Variants in FBXW8 observed in about 807,000 individuals in gnomAD.
FBXW8 encodes the protein F-box and WD repeat domain containing 8.
A neutral mutation model predicts 65.3 loss-of-function variants in FBXW8; 57 were observed. The ratio of observed to expected loss-of-function variants is 0.87; its 90% CI spans 0.71 to 1.09. The LOEUF is 1.09. Ranked by LOEUF, FBXW8 falls within the 50% of genes least tolerant of loss-of-function variation. The pLI is 0.00. For synonymous variants in FBXW8, 308 were observed against 330.2 expected, an observed-to-expected ratio of 0.93 and a Z score of 0.73; for missense variants, 777 against 814.8, an observed-to-expected ratio of 0.95 and a Z score of 0.57.
intron 5 of FBXW8, 112 bp from the exon 6 acceptor site, chr12:116,985,094 A>G (rs1254037714): frequency 1.9e-5 from 17 of 886,596 alleles, no homozygotes; most frequent in South Asian, 8.0e-5. Context: ...CTTGGGTCTC[A>G]TTTCCAAGGT....
chr12:117,007,751 TA>T (rs764667068), intron 7 of FBXW8, among the ~76,000 whole-genome samples: 13 of 152,182 alleles, frequency 8.5e-5, no homozygotes, highest in Non-Finnish European at 1.6e-4. Flanking sequence ...TGAGCATGAA[TA>T]ATTAATCTCA....
intron 8 of FBXW8, among the ~76,000 whole-genome samples, chr12:117,016,642 G>GT (rs59614258): frequency 0.013 from 1,823 of 138,268 alleles, 54 homozygotes; most frequent in South Asian, 0.11. Context: ...TATTTGTCTG[G>GT]TTTTTTTTTT....
At chr12:116,963,629 C>T (rs896704160) in intron 4 of FBXW8, among the ~76,000 whole-genome samples, 1 of 152,046 alleles carries the variant, frequency 6.6e-6, no homozygotes, top group African/African-American at 2.4e-5. Flanking sequence ...AAAACAAAAA[C>T]CAAGAAATTC....
chr12:116,981,223 T>C (rs760565809), intron 5 of FBXW8, among the ~76,000 whole-genome samples: 2 of 152,224 alleles, frequency 1.3e-5, no homozygotes, highest in Admixed American at 6.5e-5. Flanking sequence ...AAATTGACCA[T>C]TTATAAAATT....
At chr12:116,935,550 A>G (rs765312736) in intron 2 of FBXW8, among the ~76,000 whole-genome samples, 4 of 152,216 alleles carry the variant, frequency 2.6e-5, no homozygotes, top group Non-Finnish European at 5.9e-5. Context: ...TCAAGACCCA[A>G]GTGCCCTCAG....
intron 8 of FBXW8, among the ~76,000 whole-genome samples, chr12:117,017,339 G>A (rs1271029250): frequency 6.6e-6 from 1 of 152,172 alleles, no homozygotes. Context: ...TCAGTCCGAA[G>A]GGCTTGTTAA....
intron 2 of FBXW8, among the ~76,000 whole-genome samples, chr12:116,929,189 C>T (rs1468734087): frequency 6.6e-6 from 1 of 152,124 alleles, no homozygotes; most frequent in Non-Finnish European, 1.5e-5. Flanking sequence ...ATGCCATTAA[C>T]ATCGTTCTCT....
At chr12:116,911,774 C>T (rs1348516650) in intron 1 of FBXW8, among the ~76,000 whole-genome samples, 1 of 152,078 alleles carries the variant, frequency 6.6e-6, no homozygotes, top group Non-Finnish European at 1.5e-5. Context: ...CAAAGGTTGC[C>T]TTTGAAAAGG....
intron 1 of FBXW8, among the ~76,000 whole-genome samples, chr12:116,915,854 T>C (rs1174494778): frequency 6.6e-6 from 1 of 151,932 alleles, no homozygotes; most frequent in Non-Finnish European, 1.5e-5. Context: ...GGTTTCACTA[T>C]GTTGGCCAGG....
chr12:117,018,542 A>G (rs1489575253), intron 8 of FBXW8, among the ~76,000 whole-genome samples: 15 of 152,222 alleles, frequency 9.9e-5, no homozygotes, highest in African/African-American at 3.6e-4. Context: ...CTGTTTCTTC[A>G]TGTGAATCTG....
rs766793287 is a variant in FBXW8, at chr12:116,929,138, C to G, written c.423+1011C>G. ...TGGTCTGCTTTCTAAGCAGGGGATG[C>G]CAGTGTGGCTTTGGCCACACTTTGA... On this transcript the variant is annotated intron_variant, in intron 2 of 10. Transcript: ENST00000652555. Among the ~76,000 whole-genome samples, 58 of 151,736 alleles carry G rather than the reference C, an allele frequency of 3.8e-4. 1 individual carries two copies. Among genetic ancestry groups the G allele is most frequent in the Non-Finnish European group, 7.8e-4 (53 of 67,888 alleles).
intron 7 of FBXW8, among the ~76,000 whole-genome samples, chr12:117,003,371 T>C (rs1402243688): frequency 2.0e-5 from 3 of 152,242 alleles, no homozygotes; most frequent in Non-Finnish European, 4.4e-5. Context: ...GGGCGCACCC[T>C]GGGCATCTGG....
chr12:116,926,934 G>A (rs1376295462), intron 1 of FBXW8, among the ~76,000 whole-genome samples: 1 of 152,064 alleles, frequency 6.6e-6, no homozygotes, highest in Non-Finnish European at 1.5e-5. Flanking sequence ...TAAAAACATT[G>A]AGGTGATTTT....
At chr12:117,017,408 A>G (rs1953976877) in intron 8 of FBXW8, among the ~76,000 whole-genome samples, 1 of 152,226 alleles carries the variant, frequency 6.6e-6, no homozygotes, top group Non-Finnish European at 1.5e-5. Flanking sequence ...TCAGAGATAC[A>G]GCCTTAAAAT....
chr12:116,997,528 T>C (rs1953404363), intron 7 of FBXW8, among the ~76,000 whole-genome samples: 1 of 152,162 alleles, frequency 6.6e-6, no homozygotes, highest in African/African-American at 2.4e-5. Context: ...CCTTTGTATG[T>C]GGCTGGTGCT....
chr12:116,983,930 G>A (rs910309716), intron 5 of FBXW8, among the ~76,000 whole-genome samples: 36 of 152,216 alleles, frequency 2.4e-4, no homozygotes, highest in African/African-American at 8.0e-4. Flanking sequence ...GCTCAGAGCT[G>A]TTAAGCAGCT....
chr12:116,937,948 G>A (rs953928648), intron 2 of FBXW8, among the ~76,000 whole-genome samples: 2 of 151,890 alleles, frequency 1.3e-5, no homozygotes, highest in Non-Finnish European at 2.9e-5. Context: ...AGGCTCACTC[G>A]GTGGGGCTTT....
chr12:117,013,790 A>G (rs78153906), intron 8 of FBXW8, among the ~76,000 whole-genome samples: 7,193 of 152,126 alleles, frequency 0.047, 414 homozygotes, highest in African/African-American at 0.14. Context: ...TTTCAATGAA[A>G]TGAAAGTATA....
At chr12:116,966,032 G>A (rs1296584485) in intron 5 of FBXW8, among the ~76,000 whole-genome samples, 1 of 151,254 alleles carries the variant, frequency 6.6e-6, no homozygotes, top group African/African-American at 2.4e-5. Flanking sequence ...CAAAGTGCTA[G>A]CATTATAGGC....
Sources: gnomAD v4.1 joint callset for allele counts (sites outside exome capture counted in the v4.1 genomes callset) on GRCh38, gnomAD v4.1.1 for gene constraint, MANE v1.5 for transcripts, NCBI Gene and HGNC (gene_info 2026-07-23, HGNC 2026-07-21) for gene names.